Variants in CREB5 observed in about 807,000 individuals in gnomAD.
The protein encoded by CREB5 is cyclic AMP-responsive element-binding protein 5.
CREB5 carries 19 observed loss-of-function variants against 57.1 expected under a neutral mutation model. The observed-to-expected ratio is 0.33, with a 90% CI of 0.23 to 0.49. The LOEUF (loss-of-function observed/expected upper bound fraction) is 0.49, where lower values mean the gene tolerates loss of function less well. CREB5 is among the 20% of genes least tolerant of loss of function. The probability of loss-of-function intolerance (pLI) is 0.99; values close to 1 mark genes in which losing one functional copy is unlikely to be tolerated. For synonymous variants in CREB5, 238 were observed against 238.3 expected (o/e 1.00, Z 0.01); for missense variants, 579 against 671.6 (o/e 0.86, Z 1.52).
chr7:28,772,952 G>A (rs1438148073), intron 7 of CREB5, among the ~76,000 whole-genome samples: 1 of 152,088 alleles, frequency 6.6e-6, no homozygotes, highest in Non-Finnish European at 1.5e-5. Flanking sequence ...TAGATCTCAG[G>A]TTCATTGCTC....
chr7:28,790,480 AAG>A (rs1807629394), intron 7 of CREB5, among the ~76,000 whole-genome samples: 1 of 148,672 alleles, frequency 6.7e-6, no homozygotes, highest in African/African-American at 2.5e-5. Flanking sequence ...GAGAGAAAGA[AAG>A]AAAGAAAGAG....
chr7:28,546,668 A>T (rs911597199), intron 4 of CREB5, among the ~76,000 whole-genome samples: 1 of 152,188 alleles, frequency 6.6e-6, no homozygotes, highest in African/African-American at 2.4e-5. Flanking sequence ...ATCCAGGGTT[A>T]TCCCACCTCA....
intron 5 of CREB5, among the ~76,000 whole-genome samples, chr7:28,680,035 C>T (rs34143286): frequency 0.026 from 3,935 of 152,194 alleles, 141 homozygotes; most frequent in East Asian, 0.12. Flanking sequence ...TATCTCCAAA[C>T]GAGGCTGGGA....
intron 7 of CREB5, among the ~76,000 whole-genome samples, chr7:28,744,549 T>G (rs1264702598): frequency 6.6e-6 from 1 of 151,996 alleles, no homozygotes; most frequent in East Asian, 1.9e-4. Context: ...GGTTTCACCA[T>G]GTTGGCCAGG....
At chr7:28,658,953 G>GTGTATATATATATATATATATATGTGTA (rs1400561698) in intron 5 of CREB5, among the ~76,000 whole-genome samples, 3 of 99,584 alleles carry the variant, frequency 3.0e-5, no homozygotes, top group African/African-American at 9.9e-5. Flanking sequence ...GTGTGTGTGT[G>GTGTATATATATATATATATATATGTGTA]TATATATATA....
chr7:28,654,060 ATTTCCAG>A (rs935864877), intron 5 of CREB5, among the ~76,000 whole-genome samples: 2 of 152,068 alleles, frequency 1.3e-5, no homozygotes, highest in Non-Finnish European at 2.9e-5. Flanking sequence ...GCTGTTTTTC[ATTTCCAG>A]TAGCCAATAT....
chr7:28,795,641 G>A lies in CREB5; in HGVS notation c.703-8558G>A, dbSNP rs150560280. Among the ~76,000 whole-genome samples the A allele has an allele frequency of 1.5e-3, 230 of 152,168 alleles. 1 individual carries two copies. The highest frequency in any genetic ancestry group is 2.7e-3 in the Admixed American group (41 of 15,290). ...TAGTAAGTCTCAGATGAAGTCAAGA[G>A]TTCTCTATCAGCCCGCTGTCAGAAG... On this transcript the variant is annotated intron_variant, in intron 7 of 10. Transcript: ENST00000357727.
At chr7:28,403,113 T>C (rs1787507922) in intron 1 of CREB5, among the ~76,000 whole-genome samples, 1 of 152,196 alleles carries the variant, frequency 6.6e-6, no homozygotes, top group African/African-American at 2.4e-5. Flanking sequence ...GGGTAAAGTG[T>C]GATGGCTTCA....
At chr7:28,340,564 T>C (rs939041479) in intron 1 of CREB5, among the ~76,000 whole-genome samples, 9 of 152,248 alleles carry the variant, frequency 5.9e-5, no homozygotes, top group Middle Eastern at 3.4e-3. Context: ...GGAAGGAGTC[T>C]CTTTTGGAGC....
intron 1 of CREB5, among the ~76,000 whole-genome samples, chr7:28,370,694 T>C (rs1008041074): frequency 2.6e-5 from 4 of 152,190 alleles, no homozygotes; most frequent in African/African-American, 7.2e-5. Flanking sequence ...CGTGAACACA[T>C]ACGCACTGTA....
At chr7:28,696,771 C>T (rs1801586923) in intron 5 of CREB5, among the ~76,000 whole-genome samples, 1 of 151,146 alleles carries the variant, frequency 6.6e-6, no homozygotes, top group Admixed American at 6.6e-5. Flanking sequence ...CACACATATA[C>T]ATATATATAC....
chr7:28,670,561 T>A (rs954689528), intron 5 of CREB5, among the ~76,000 whole-genome samples: 5 of 152,240 alleles, frequency 3.3e-5, no homozygotes, highest in Admixed American at 1.3e-4. Flanking sequence ...TACCCCAAAA[T>A]AATATAAACA....
chr7:28,538,317 G>A (rs1794058375), intron 4 of CREB5, among the ~76,000 whole-genome samples: 1 of 152,166 alleles, frequency 6.6e-6, no homozygotes, highest in Non-Finnish European at 1.5e-5. Flanking sequence ...GCCTCCCAAA[G>A]TGCTGGGATT....
chr7:28,657,112 T>TAA (rs1479711321), intron 5 of CREB5, among the ~76,000 whole-genome samples: 1 of 152,130 alleles, frequency 6.6e-6, no homozygotes, highest in East Asian at 1.9e-4. Flanking sequence ...CACCTGTCCA[T>TAA]CTGCAAGGCA....
At chr7:28,739,312 G>A (rs946078593) in intron 7 of CREB5, among the ~76,000 whole-genome samples, 2 of 152,250 alleles carry the variant, frequency 1.3e-5, no homozygotes, top group African/African-American at 2.4e-5. Flanking sequence ...GCTAGCATAT[G>A]GGCCCACATA....
At chr7:28,311,763 G>A (rs1384582318) in intron 1 of CREB5, among the ~76,000 whole-genome samples, 4 of 152,172 alleles carry the variant, frequency 2.6e-5, no homozygotes, top group Non-Finnish European at 5.9e-5. Context: ...GGACTTCCGT[G>A]GCTTGTCATT....
intron 5 of CREB5, among the ~76,000 whole-genome samples, chr7:28,717,259 G>A (rs28414448): frequency 0.012 from 1,769 of 151,660 alleles, 47 homozygotes; most frequent in African/African-American, 0.04. Context: ...GCGTTTCACC[G>A]TGTTGGCCAG....
chr7:28,506,134 A>G (rs945585838), intron 3 of CREB5, among the ~76,000 whole-genome samples: 3 of 152,212 alleles, frequency 2.0e-5, no homozygotes, highest in African/African-American at 7.2e-5. Flanking sequence ...TTGCTTGCCC[A>G]GAGGGAATCA....
chr7:28,611,655 G>A (rs1038811855), intron 5 of CREB5, among the ~76,000 whole-genome samples: 2 of 149,820 alleles, frequency 1.3e-5, no homozygotes, highest in Admixed American at 1.3e-4. Flanking sequence ...TAGCCTGTGC[G>A]ACAGAGACTC....
Sources: allele counts gnomAD v4.1 joint callset (sites outside exome capture counted in the v4.1 genomes callset), GRCh38; gene constraint gnomAD v4.1.1; transcripts MANE v1.5; gene names NCBI Gene and HGNC (gene_info 2026-07-23, HGNC 2026-07-21).